The following CCDC91 variants were observed in gnomAD, a reference collection of about 807,000 sequenced individuals.
The protein encoded by CCDC91 is coiled-coil domain-containing protein 91.
In CCDC91, 48 loss-of-function variants were observed where a neutral mutation model predicts 63.2. The observed-to-expected ratio is 0.76, with a 90% CI of 0.60 to 0.97. CCDC91 has a LOEUF of 0.97. Among genes scored for constraint, CCDC91 ranks in the 50% least tolerant of loss-of-function variants. CCDC91 has a pLI of 0.00. For synonymous variants in CCDC91, 167 were observed against 165.8 expected (o/e 1.01, Z -0.06); for missense variants, 500 against 494.6 (o/e 1.01, Z -0.10).
chr12:28,522,819 A>T (rs1940857917), intron 12 of CCDC91, among the ~76,000 whole-genome samples: 1 of 152,008 alleles, frequency 6.6e-6, no homozygotes. Context: ...TTCTGCCTTC[A>T]TTTCGTTATG....
intron 7 of CCDC91, among the ~76,000 whole-genome samples, chr12:28,387,039 T>C (rs1435612049): frequency 1.3e-5 from 2 of 152,184 alleles, no homozygotes; most frequent in Non-Finnish European, 2.9e-5. Context: ...GTTAAGATTA[T>C]ATTATGAGAT....
At chr12:28,480,350 A>G (rs548930504) in intron 11 of CCDC91, among the ~76,000 whole-genome samples, 1 of 151,808 alleles carries the variant, frequency 6.6e-6, no homozygotes, top group South Asian at 2.1e-4. Flanking sequence ...TATTACCACC[A>G]CTCATTAACC....
intron 3 of CCDC91, among the ~76,000 whole-genome samples, chr12:28,260,735 C>A (rs955004826): frequency 6.6e-6 from 1 of 151,786 alleles, no homozygotes; most frequent in East Asian, 1.9e-4. Context: ...AGTTGGCTCT[C>A]AATAAGTATT....
intron 3 of CCDC91, among the ~76,000 whole-genome samples, chr12:28,261,684 TA>T (rs1330698066): frequency 6.6e-6 from 1 of 152,076 alleles, no homozygotes; most frequent in African/African-American, 2.4e-5. Context: ...GGCAAAGTAC[TA>T]AAAAATTGTA....
intron 12 of CCDC91, among the ~76,000 whole-genome samples, chr12:28,497,958 T>C (rs183825670): frequency 3.9e-4 from 59 of 151,730 alleles, no homozygotes; most frequent in African/African-American, 1.3e-3. Flanking sequence ...CCTTTCCTTA[T>C]GTATCATGTG....
At chr12:28,527,822 T>C (rs981657321) in intron 12 of CCDC91, among the ~76,000 whole-genome samples, 1 of 152,114 alleles carries the variant, frequency 6.6e-6, no homozygotes, top group African/African-American at 2.4e-5. Context: ...TGGAATTATG[T>C]TCCTAGGAGG....
At chr12:28,408,092 C>G (rs1288874922) in intron 8 of CCDC91, among the ~76,000 whole-genome samples, 1 of 151,824 alleles carries the variant, frequency 6.6e-6, no homozygotes, top group Non-Finnish European at 1.5e-5. Context: ...AGTTTTAAGC[C>G]TCACATGCAT....
intron 6 of CCDC91, among the ~76,000 whole-genome samples, chr12:28,361,461 T>C (rs1489528371): frequency 6.6e-6 from 1 of 152,132 alleles, no homozygotes; most frequent in East Asian, 1.9e-4. Context: ...GTTTCACTTT[T>C]TTCTCGTCTT....
At chr12:28,448,925 T>A (rs1246393645) in intron 8 of CCDC91, among the ~76,000 whole-genome samples, 1 of 152,082 alleles carries the variant, frequency 6.6e-6, no homozygotes, top group Non-Finnish European at 1.5e-5. Flanking sequence ...TTACAGAGAA[T>A]ATAAAATTAA....
At position 28,233,517 on chromosome 12, in the gene CCDC91, T is replaced by G. The variant is rs1313324635; in HGVS notation, c.-14-23685T>G. 2.6e-5 allele frequency among the ~76,000 whole-genome samples: 4 copies of G among 152,200 alleles called. 1 individual carries two copies. Among genetic ancestry groups the G allele is most frequent in the Non-Finnish European group, 5.9e-5 (4 of 68,022 alleles). On this transcript the variant is annotated intron_variant, in intron 1 of 12. Transcript: ENST00000536442. ...TTCAGAGATTAAAGAAGAATCTATGTAAAGTGACAATACCTACAATATCCT... is the reference window on the plus strand; with the variant it reads ...TTCAGAGATTAAAGAAGAATCTATGGAAAGTGACAATACCTACAATATCCT...
chr12:28,445,959 C>T (rs746303557), intron 8 of CCDC91, among the ~76,000 whole-genome samples: 4 of 152,124 alleles, frequency 2.6e-5, no homozygotes, highest in Non-Finnish European at 5.9e-5. Flanking sequence ...TATTCCTTAA[C>T]ACACATCATA....
intron 11 of CCDC91, among the ~76,000 whole-genome samples, chr12:28,466,165 C>T (rs557013491): frequency 1.3e-5 from 2 of 152,038 alleles, no homozygotes; most frequent in Non-Finnish European, 2.9e-5. Flanking sequence ...AGGCTATACA[C>T]AAAGGAGACA....
At chr12:28,225,807 C>T (rs558841569) in intron 1 of CCDC91, 2 of 152,354 alleles carry the variant, frequency 1.3e-5, no homozygotes, top group African/African-American at 4.8e-5. Flanking sequence ...TTCTAACCCT[C>T]CTTTATGTGA....
At chr12:28,255,207 G>C (rs1946367307) in intron 1 of CCDC91, among the ~76,000 whole-genome samples, 1 of 151,978 alleles carries the variant, frequency 6.6e-6, no homozygotes, top group Non-Finnish European at 1.5e-5. Flanking sequence ...GTTAGATGTG[G>C]GTATTTGTTT....
chr12:28,353,033 C>A (rs1943284821), intron 6 of CCDC91, among the ~76,000 whole-genome samples: 2 of 152,218 alleles, frequency 1.3e-5, no homozygotes, highest in Admixed American at 1.3e-4. Flanking sequence ...CCTTCATCCA[C>A]TATATTAGCT....
chr12:28,377,302 C>T (rs529120430), intron 7 of CCDC91, among the ~76,000 whole-genome samples: 22 of 151,524 alleles, frequency 1.5e-4, no homozygotes, highest in African/African-American at 4.6e-4. Flanking sequence ...CTGTTGTTTT[C>T]GTTTTTTAAC....
intron 1 of CCDC91, among the ~76,000 whole-genome samples, chr12:28,195,028 G>A (rs993192639): frequency 3.4e-4 from 52 of 152,208 alleles, no homozygotes; most frequent in African/African-American, 1.2e-3. Context: ...AAGGGGACCC[G>A]AAGGGGTTGC....
chr12:28,237,329 C>G (rs1171259914), intron 1 of CCDC91, among the ~76,000 whole-genome samples: 1 of 150,968 alleles, frequency 6.6e-6, no homozygotes, highest in East Asian at 1.9e-4. Flanking sequence ...TCTTAGGAAC[C>G]TGTAAGTGTT....
At chr12:28,484,346 T>C (rs938341127) in intron 12 of CCDC91, 181 bp downstream of exon 12, 61 of 327,576 alleles carry the variant, frequency 1.9e-4, no homozygotes, top group African/African-American at 1.2e-3. Flanking sequence ...TAAACATAAA[T>C]CCCATCTGTC....
Sources: allele counts gnomAD v4.1 joint callset (sites outside exome capture counted in the v4.1 genomes callset), GRCh38; gene constraint gnomAD v4.1.1; transcripts MANE v1.5; gene names NCBI Gene and HGNC (gene_info 2026-07-23, HGNC 2026-07-21).